PRDM16: variants seen among roughly 807,000 people sequenced by gnomAD.
The protein encoded by PRDM16 is PR/SET domain 16.
In PRDM16, 23 loss-of-function variants were observed where a neutral mutation model predicts 110.6. The ratio of observed to expected loss-of-function variants is 0.21; its 90% CI spans 0.15 to 0.29. The LOEUF is 0.29. Ranked by LOEUF, PRDM16 falls within the 10% of genes least tolerant of loss-of-function variation. PRDM16 has a pLI of 1.00. For synonymous variants in PRDM16, 799 were observed against 781.8 expected, an observed-to-expected ratio of 1.02 and a Z score of -0.37; for missense variants, 1,615 against 1,794.3, an observed-to-expected ratio of 0.90 and a Z score of 1.81.
chr1:3,220,627 G>A (rs1027887648), intron 2 of PRDM16, among the ~76,000 whole-genome samples: 3 of 152,172 alleles, frequency 2.0e-5, no homozygotes, highest in Non-Finnish European at 2.9e-5. Context: ...TGGTCTAGAG[G>A]GGCCCTTTCT....
intron 3 of PRDM16, among the ~76,000 whole-genome samples, chr1:3,363,452 C>G (rs1642751857): frequency 6.6e-6 from 1 of 152,150 alleles, no homozygotes; most frequent in Non-Finnish European, 1.5e-5. Flanking sequence ...GCCGAGGGAT[C>G]CCGGTGAGCA....
chr1:3,071,187 C>T (rs1641750640), intron 1 of PRDM16, among the ~76,000 whole-genome samples: 1 of 152,270 alleles, frequency 6.6e-6, no homozygotes, highest in Non-Finnish European at 1.5e-5. Flanking sequence ...CCGGGGCCTT[C>T]GCTGCAAGCG....
chr1:3,253,122 C>A (rs1639971873), intron 3 of PRDM16, among the ~76,000 whole-genome samples: 1 of 152,148 alleles, frequency 6.6e-6, no homozygotes, highest in Non-Finnish European at 1.5e-5. Context: ...TGGATCCCCA[C>A]ACTAGCCATC....
chr1:3,196,681 T>A (rs1019558187), intron 2 of PRDM16, among the ~76,000 whole-genome samples: 17 of 152,192 alleles, frequency 1.1e-4, no homozygotes, highest in African/African-American at 4.1e-4. Flanking sequence ...TACTACTGGC[T>A]GAGAGTTCCC....
At chr1:3,326,709 G>A (rs1287453332) in intron 3 of PRDM16, among the ~76,000 whole-genome samples, 1 of 152,232 alleles carries the variant, frequency 6.6e-6, no homozygotes, top group East Asian at 1.9e-4. Context: ...CGAAGCAGTG[G>A]CCACCACAGG....
At chr1:3,341,035 C>T (rs1311944062) in intron 3 of PRDM16, among the ~76,000 whole-genome samples, 1 of 149,378 alleles carries the variant, frequency 6.7e-6, no homozygotes, top group Non-Finnish European at 1.5e-5. Context: ...TGTGTCCAAC[C>T]CCGCACGCTC....
chr1:3,089,338 C>CCCA (rs1642221174), intron 1 of PRDM16, among the ~76,000 whole-genome samples: 1 of 152,214 alleles, frequency 6.6e-6, no homozygotes, highest in Non-Finnish European at 1.5e-5. Flanking sequence ...ACCCCTGGGA[C>CCCA]CCACCCCCCA....
intron 1 of PRDM16, among the ~76,000 whole-genome samples, chr1:3,087,256 A>G (rs1445595029): frequency 8.4e-6 from 1 of 118,798 alleles, no homozygotes; most frequent in Non-Finnish European, 1.7e-5. Flanking sequence ...GACCAGCCCC[A>G]CCTGAGACCA....
Position 3,431,097 on chromosome 1 carries a change from C to T in PRDM16, c.3510C>T (p.Asp1170=), listed in dbSNP as rs774438683. ...EPAASLAVGF[D]HTRRCAEDHE... ...CCGCCTCCCTGGCCGTGGGCTTTGACCACACCCGAAGGTGGGGGCAGCCGT... is the reference window on the plus strand; with the variant it reads ...CCGCCTCCCTGGCCGTGGGCTTTGATCACACCCGAAGGTGGGGGCAGCCGT... Residue 1170 remains aspartate (D), a synonymous_variant, in exon 15 of 17, where the codon GAC becomes GAT. Coordinates refer to ENST00000270722, the MANE Select transcript of PRDM16 (RefSeq NM_022114.4). The T allele has an allele frequency of 2.6e-6, 4 of 1,550,908 alleles. No individual in the cohort carries two copies. Among genetic ancestry groups the T allele is most frequent in the Non-Finnish European group, 3.5e-6 (4 of 1,147,702 alleles).
chr1:3,294,387 GCAGT>G (rs1641041576), intron 3 of PRDM16, among the ~76,000 whole-genome samples: 1 of 152,048 alleles, frequency 6.6e-6, no homozygotes, highest in South Asian at 2.1e-4. Context: ...GGCACTTCCA[GCAGT>G]CCTGACCCCA....
chr1:3,092,052 C>T (rs186876321), intron 1 of PRDM16, among the ~76,000 whole-genome samples: 1 of 152,326 alleles, frequency 6.6e-6, no homozygotes, highest in Admixed American at 6.5e-5. Flanking sequence ...TGGAGCCAGC[C>T]GTGGGTAAGG....
chr1:3,219,462 G>T (rs1639103276), intron 2 of PRDM16, among the ~76,000 whole-genome samples: 3 of 152,222 alleles, frequency 2.0e-5, no homozygotes, highest in Admixed American at 1.3e-4. Context: ...TCCCCTTGGA[G>T]CTGGGGCGGG....
chr1:3,179,800 T>G (rs1232259864), intron 1 of PRDM16, among the ~76,000 whole-genome samples: 3 of 152,126 alleles, frequency 2.0e-5, no homozygotes, highest in Non-Finnish European at 4.4e-5. Flanking sequence ...CGGCCCCGAG[T>G]GATCTCGTAC....
intron 3 of PRDM16, among the ~76,000 whole-genome samples, chr1:3,260,698 A>ATGT: frequency 3.4e-4 from 1 of 2,926 alleles, no homozygotes; most frequent in Non-Finnish European, 1.1e-3. Flanking sequence ...GGTGTTGATG[A>ATGT]TGGTGATGGT....
chr1:3,172,089 C>T (rs970157763), intron 1 of PRDM16, among the ~76,000 whole-genome samples: 4 of 152,136 alleles, frequency 2.6e-5, no homozygotes, highest in African/African-American at 9.7e-5. Flanking sequence ...AGCCAGCTGC[C>T]CTAGGTGTGG....
In PRDM16 at chr1:3,389,768, C is replaced by T. The variant is rs78771611; in HGVS notation, c.573+4482C>T. ...AGCTGCTGGGAGCAAAACATCCCTG[C>T]ACACAGCTGCGGGGACCGAGCCTTT... On this transcript the variant is annotated intron_variant, in intron 4 of 16. Coordinates refer to ENST00000270722, the MANE Select transcript of PRDM16 (RefSeq NM_022114.4). Among the ~76,000 whole-genome samples the T allele has an allele frequency of 6.7e-3, 1,028 of 152,342 alleles. 10 individuals are homozygous for T. Among genetic ancestry groups the T allele is most frequent in the African/African-American group, 0.023 (966 of 41,580 alleles).
chr1:3,160,634 G>T (rs1274061980), intron 1 of PRDM16, among the ~76,000 whole-genome samples: 2 of 152,230 alleles, frequency 1.3e-5, no homozygotes, highest in Non-Finnish European at 2.9e-5. Flanking sequence ...TGGTCTGGGT[G>T]AGAAGCGCCA....
At position 3,184,696 on chromosome 1, in the gene PRDM16, G is replaced by A. The variant is rs905577405; in HGVS notation, c.38-1429G>A. On this transcript the variant is annotated intron_variant, in intron 1 of 16. Coordinates refer to ENST00000270722, the MANE Select transcript of PRDM16 (RefSeq NM_022114.4). ...CAAACACCTCATCACCCCGAAAGGA[G>A]ACCTGGGCCTCTCGCTGTCACCCCC... 6.6e-5 allele frequency among the ~76,000 whole-genome samples: 10 copies of A among 152,316 alleles called. No individual in the cohort carries two copies. The East Asian group carries it at 1.9e-3, about 29-fold the overall frequency.
At chr1:3,070,703 G>T (rs557225506) in intron 1 of PRDM16, among the ~76,000 whole-genome samples, 1 of 152,222 alleles carries the variant, frequency 6.6e-6, no homozygotes, top group South Asian at 2.1e-4. Flanking sequence ...GGGACTCGCG[G>T]CGGTTTTCCG....
Sources: gnomAD v4.1 joint callset for allele counts (sites outside exome capture counted in the v4.1 genomes callset) on GRCh38, gnomAD v4.1.1 for gene constraint, MANE v1.5 for transcripts, NCBI Gene and HGNC (gene_info 2026-07-23, HGNC 2026-07-21) for gene names.